The following ARFGEF2 variants were observed in gnomAD, a reference collection of about 807,000 sequenced individuals.
The protein encoded by ARFGEF2 is brefeldin A-inhibited guanine nucleotide-exchange protein 2.
ARFGEF2 carries 74 observed loss-of-function variants against 219.9 expected under a neutral mutation model. The ratio of observed to expected loss-of-function variants is 0.34; its 90% confidence interval spans 0.28 to 0.41. The LOEUF (loss-of-function observed/expected upper bound fraction) is 0.41, where lower values mean the gene tolerates loss of function less well. Ranked by LOEUF, ARFGEF2 falls within the 10% of genes least tolerant of loss-of-function variation. The pLI is 1.00. For missense variants in ARFGEF2, 1,743 were observed against 2,218.3 expected (o/e 0.79, Z 4.30); for synonymous variants, 733 against 799.2 (o/e 0.92, Z 1.40).
At chr20:49,011,831 A>ATGTGTATG in intron 27 of ARFGEF2, 93 bp from the exon 28 acceptor site, 1 of 1,112,746 alleles carries the variant, frequency 9.0e-7, no homozygotes, top group Non-Finnish European at 1.3e-6. Context: ...TCTCTGATGT[A>ATGTGTATG]TGTGTGTGTG....
At chr20:49,017,958 C>T (rs551673708) in intron 33 of ARFGEF2, among the ~76,000 whole-genome samples, 4 of 152,324 alleles carry the variant, frequency 2.6e-5, no homozygotes, top group African/African-American at 9.6e-5. Context: ...TAGTTCTAGG[C>T]TTTCAACATT....
At position 48,969,143 on chromosome 20, in the gene ARFGEF2, C is replaced by T. The variant is rs1189150302; in HGVS notation, c.1060-4C>T. The T allele has an allele frequency of 6.2e-7, 1 of 1,613,728 alleles. No individual in the cohort carries two copies. Among genetic ancestry groups the T allele is most frequent in the Non-Finnish European group, 8.5e-7 (1 of 1,179,904 alleles). ...ACCCAGCTGATGTTTGTTTCTGATC[C>T]TAGGAATCGGATGCACAAGGACATC... On this transcript the variant is annotated splice_polypyrimidine_tract_variant and splice_region_variant and intron_variant, in intron 8 of 38. Transcript: ENST00000371917.
chr20:48,976,847 G>A (rs1041492053), intron 14 of ARFGEF2, among the ~76,000 whole-genome samples: 2 of 151,972 alleles, frequency 1.3e-5, no homozygotes, highest in South Asian at 4.2e-4. Flanking sequence ...AATCACCATT[G>A]GTGCATTTTT....
chr20:48,963,191 T>TAAAAAAAAAAAAAAAAAAAAAAAAAAAA (rs1314445302), intron 6 of ARFGEF2, among the ~76,000 whole-genome samples: 1 of 102,098 alleles, frequency 9.8e-6, no homozygotes, highest in African/African-American at 4.9e-5. Context: ...AAAAAAAAAG[T>TAAAAAAAAAAAAAAAAAAAAAAAAAAAA]AATGTTTACT....
At chr20:49,005,763 AGAAAT>A (rs1374126216) in intron 26 of ARFGEF2, among the ~76,000 whole-genome samples, 9 of 151,150 alleles carry the variant, frequency 6.0e-5, no homozygotes, top group African/African-American at 2.2e-4. Context: ...AAAAAAGAAA[AGAAAT>A]ATGTCATGAA....
intron 25 of ARFGEF2, among the ~76,000 whole-genome samples, chr20:49,000,249 T>C (rs1434846741): frequency 1.3e-5 from 2 of 152,208 alleles, no homozygotes; most frequent in Non-Finnish European, 2.9e-5. Context: ...CAGCTCAAAT[T>C]AAGGCACCTC....
intron 12 of ARFGEF2, among the ~76,000 whole-genome samples, chr20:48,974,118 A>ATTTTTTTT (rs57941437): frequency 1.0e-4 from 7 of 70,068 alleles, no homozygotes; most frequent in Non-Finnish European, 1.2e-4. Context: ...TTGAGTGTGA[A>ATTTTTTTT]TTTTTTTTTT....
At chr20:48,968,863 C>G (rs2091207509) in intron 8 of ARFGEF2, among the ~76,000 whole-genome samples, 1 of 152,104 alleles carries the variant, frequency 6.6e-6, no homozygotes, top group African/African-American at 2.4e-5. Context: ...TCCTTCCCTC[C>G]CCCACATCCC....
At chr20:48,946,122 G>A (rs748673015) in intron 3 of ARFGEF2, among the ~76,000 whole-genome samples, 9 of 152,184 alleles carry the variant, frequency 5.9e-5, no homozygotes, top group Admixed American at 6.5e-5. Flanking sequence ...CTTAGAAATG[G>A]AAGGCCAGCA....
chr20:48,971,594 C>T (rs1325613590), intron 10 of ARFGEF2, among the ~76,000 whole-genome samples: 1 of 152,146 alleles, frequency 6.6e-6, no homozygotes, highest in South Asian at 2.1e-4. Flanking sequence ...AAGAGAATAT[C>T]TTTTTATAAA....
At chr20:49,009,405 G>A (rs892431026) in intron 26 of ARFGEF2, among the ~76,000 whole-genome samples, 2 of 151,446 alleles carry the variant, frequency 1.3e-5, no homozygotes, top group East Asian at 1.9e-4. Context: ...AGTCGAGGTC[G>A]CTCTACTGCA....
Position 49,012,054 on chromosome 20 carries a change from C to A in ARFGEF2, c.3888C>A (p.Phe1296Leu). ...TSMEAIRLIR[F>L]CGKYVSERPR... ...TGGAAGCGATTCGGCTCATCCGCTTCTGTGGCAAATACGTCTCTGAGAGGC... is the reference window on the plus strand; with the variant it reads ...TGGAAGCGATTCGGCTCATCCGCTTATGTGGCAAATACGTCTCTGAGAGGC... Residue 1296 changes from phenylalanine to leucine, a missense_variant, in exon 28 of 39, where the codon TTC becomes TTA. This residue lies in a region of ARFGEF2 where 578 missense variants were observed against 664.0 expected (regional missense o/e 0.87). Transcript: ENST00000371917. 1.2e-6 allele frequency: 2 copies of A among 1,614,254 alleles called. No homozygotes were observed. The highest frequency in any genetic ancestry group is 1.7e-6 in the Non-Finnish European group (2 of 1,180,036).
chr20:49,033,577 G>T lies in ARFGEF2; in HGVS notation c.*378G>T. On this transcript the variant is annotated 3_prime_UTR_variant, in exon 39 of 39. Coordinates refer to ENST00000371917, the MANE Select transcript of ARFGEF2 (RefSeq NM_006420.3). ...ACTGAACATAGCTGTATAGGTTTGTGATTATTAGAGAATATGTTAATAAAA... is the reference window on the plus strand; with the variant it reads ...ACTGAACATAGCTGTATAGGTTTGTTATTATTAGAGAATATGTTAATAAAA... The T allele has an allele frequency of 5.2e-6, 1 of 191,554 alleles. No individual in the cohort carries two copies. Among genetic ancestry groups the T allele is most frequent in the Non-Finnish European group, 1.1e-5 (1 of 90,298 alleles). 11.9% of individuals were successfully genotyped at this position (191,554 alleles called of 1,614,324 possible).
Position 49,035,832 on chromosome 20 carries a change from C to T in ARFGEF2, c.*2633C>T, listed in dbSNP as rs1020310474. 1 of 195,228 alleles carries T rather than the reference C, an allele frequency of 5.1e-6. No individual in the cohort carries two copies. The highest frequency in any genetic ancestry group is 2.3e-5 in the African/African-American group (1 of 43,248). The allele number at this position is 195,228 out of a possible 1,614,324, so 12.1% of individuals were successfully genotyped here. A position where few individuals can be genotyped will look rare whatever the true frequency, so the allele number is the denominator to read the frequency against. On this transcript the variant is annotated 3_prime_UTR_variant, in exon 39 of 39. Coordinates refer to ENST00000371917, the MANE Select transcript of ARFGEF2 (RefSeq NM_006420.3). Reference sequence around the variant, plus strand: ...CCAGCTTTGGCATCTTAACAACAAACAGTGGATGGGTAATTTTTATTTCTG... The same window carrying T: ...CCAGCTTTGGCATCTTAACAACAAATAGTGGATGGGTAATTTTTATTTCTG...
intron 25 of ARFGEF2, among the ~76,000 whole-genome samples, chr20:49,000,466 CTGTGGATGA>C (rs573608842): frequency 5.1e-4 from 77 of 152,286 alleles, no homozygotes; most frequent in Non-Finnish European, 1.0e-3. Flanking sequence ...GCACAGGAGC[CTGTGGATGA>C]TCCAGGGGAA....
rs369202955 is a variant in ARFGEF2 at position 48,989,410 on chromosome 20, C to T, written c.2659C>T (p.Leu887=). 1.2e-5 allele frequency: 20 copies of T among 1,614,152 alleles called. No individual in the cohort carries two copies. The highest frequency in any genetic ancestry group is 1.3e-5 in the Non-Finnish European group (15 of 1,180,058). Residue 887 remains leucine (L), a synonymous_variant, in exon 19 of 39, where the codon CTG becomes TTG. Coordinates refer to ENST00000371917, the MANE Select transcript of ARFGEF2 (RefSeq NM_006420.3). ...AGCCCCGTTTACCAGTGCCACTCACCTGGACCATGTCCGGCCAATGTTCAA... is the reference window on the plus strand; with the variant it reads ...AGCCCCGTTTACCAGTGCCACTCACTTGGACCATGTCCGGCCAATGTTCAA... ...AKAPFTSATH[L]DHVRPMFKLV... is the part of the protein sequence containing the mutation.
chr20:48,962,377 C>T (rs537549453), intron 6 of ARFGEF2, among the ~76,000 whole-genome samples: 9 of 152,050 alleles, frequency 5.9e-5, no homozygotes, highest in Non-Finnish European at 8.8e-5. Context: ...TGTCACTAGA[C>T]GATAGGAATT....
chr20:48,966,835 T>G (rs6019557), intron 8 of ARFGEF2, among the ~76,000 whole-genome samples: 54,991 of 152,036 alleles, frequency 0.36, 10,782 homozygotes, highest in African/African-American at 0.53. Flanking sequence ...TACATAAAAA[T>G]AATAAGGGTT....
chr20:48,974,889 C>A lies in ARFGEF2; in HGVS notation c.1774+15C>A. On this transcript the variant is annotated intron_variant, in intron 13 of 38. Coordinates refer to ENST00000371917, the MANE Select transcript of ARFGEF2 (RefSeq NM_006420.3). ...GACCAGCCTCGGTGAGACAGCATTG[C>A]TGCCACACCCACCTCCATTCATAAT... 6.3e-7 allele frequency: 1 copy of A among 1,594,156 alleles called. No homozygotes were observed. The highest frequency in any genetic ancestry group is 8.6e-7 in the Non-Finnish European group (1 of 1,163,274).
Sources: gnomAD v4.1 joint callset for allele counts (sites outside exome capture counted in the v4.1 genomes callset) on GRCh38, gnomAD v4.1.1 for gene constraint, gnomAD v4.1.1 regional missense constraint, MANE v1.5 for transcripts, NCBI Gene and HGNC (gene_info 2026-07-23, HGNC 2026-07-21) for gene names.